LRWD1: variants seen among roughly 807,000 people sequenced by gnomAD.
The protein encoded by LRWD1 is leucine rich repeats and WD repeat domain containing 1, also known as leucine-rich repeat and WD repeat-containing protein 1.
Under a neutral mutation model 75.6 loss-of-function variants are expected in LRWD1, and 76 were observed. That is an observed-to-expected ratio of 1.01 (90% CI 0.84 to 1.22). LRWD1 has a LOEUF of 1.22. Among genes scored for constraint, LRWD1 ranks in the 50% most tolerant of loss-of-function variants. The pLI is 0.00. For synonymous variants in LRWD1, 487 were observed against 377.0 expected (o/e 1.29, Z -3.38); for missense variants, 917 against 862.0 (o/e 1.06, Z -0.80).
intron 3 of LRWD1, 123 bp from the exon 4 acceptor site, chr7:102,467,214 GTT>G (rs1554579616): frequency 2.5e-6 from 2 of 815,738 alleles, no homozygotes; most frequent in East Asian, 3.0e-5. Context: ...GTGTGTGTGT[GTT>G]TTATGAGGCT....
Position 102,469,408 on chromosome 7 carries a change from AAC to A in LRWD1, c.1229-164_1229-163del, listed in dbSNP as rs1798118357. ...CCACCGCATCAGGTTAGATGGAGGA[AAC>A]AGGGATTGGGGGCCCAGGAGTGTTC... On this transcript the variant is annotated intron_variant, in intron 9 of 14. Transcript: ENST00000292616. Among the ~76,000 whole-genome samples the A allele has an allele frequency of 2.7e-5, 4 of 148,578 alleles. 1 individual carries two copies. Among genetic ancestry groups the A allele is most frequent in the Admixed American group, 2.1e-4 (3 of 14,432 alleles).
chr7:102,469,677 C>A, intron 10 of LRWD1, 31 bp downstream of exon 10: 2 of 1,614,026 alleles, frequency 1.2e-6, no homozygotes, highest in Non-Finnish European at 1.7e-6. Flanking sequence ...GGGGAGTGGC[C>A]AGCTGCTGGG....
At chr7:102,471,847 C>T (rs1378671661) in intron 11 of LRWD1, 1 of 239,636 alleles carries the variant, frequency 4.2e-6, no homozygotes, top group Non-Finnish European at 8.3e-6. Flanking sequence ...CCCCCAACAG[C>T]CCCCTGGGCC....
intron 9 of LRWD1, among the ~76,000 whole-genome samples, 162 bp from the exon 10 acceptor site, chr7:102,469,410 CAG>C (rs80231128): frequency 0.1 from 15,448 of 152,206 alleles, 1,348 homozygotes; most frequent in East Asian, 0.45. Context: ...ATGGAGGAAA[CAG>C]GGATTGGGGG....
chr7:102,472,793 GCCCCCACACAGGTACTGC>G lies in LRWD1; in HGVS notation c.1795_1803+9del. On this transcript the variant is annotated splice_donor_variant and splice_donor_5th_base_variant and coding_sequence_variant and intron_variant, in exon 14 of 15. Coordinates refer to ENST00000292616, the MANE Select transcript of LRWD1 (RefSeq NM_152892.3). LOFTEE classifies it high-confidence loss of function. ...ACCCCTGCTGCCGGCAGCCCTGCAG[GCCCCCACACAGGTACTGC>G]CCGGCTCACCCTGCCCAGGCTTGGG... 6.2e-7 allele frequency: 1 copy of G among 1,613,352 alleles called. No homozygotes were observed. Among genetic ancestry groups the G allele is most frequent in the Non-Finnish European group, 8.5e-7 (1 of 1,179,892 alleles).
chr7:102,472,058 T>C (rs1798208561), intron 11 of LRWD1, 160 bp from the exon 12 acceptor site: 1 of 690,558 alleles, frequency 1.4e-6, no homozygotes, highest in Non-Finnish European at 2.5e-6. Context: ...CAGGGCAAAC[T>C]GAACCTTCCT....
chr7:102,467,548 C>A, intron 4 of LRWD1, 69 bp downstream of exon 4: 1 of 1,589,194 alleles, frequency 6.3e-7, no homozygotes, highest in African/African-American at 1.3e-5. Flanking sequence ...AGGTCCCTGG[C>A]CATGAAGGGC....
intron 3 of LRWD1, 123 bp from the exon 4 acceptor site, chr7:102,467,212 GTGTT>G (rs1798034265): frequency 2.6e-6 from 2 of 763,878 alleles, no homozygotes; most frequent in Admixed American, 4.5e-5. Flanking sequence ...GTGTGTGTGT[GTGTT>G]TTATGAGGCT....
In LRWD1 at chr7:102,468,649, G is replaced by A. The variant is rs573274500; in HGVS notation, c.1015G>A (p.Gly339Ser). The A allele has an allele frequency of 6.1e-5, 95 of 1,563,672 alleles. No individual in the cohort carries two copies. The South Asian group carries it at 8.0e-4, about 13-fold the overall frequency. Residue 339 changes from glycine (G) to serine (S), a missense_variant, in exon 8 of 15, where the codon GGC becomes AGC. Physicochemically the swap from Gly to Ser is moderately conservative, Grantham distance 56 (BLOSUM62 0). Transcript: ENST00000292616. ...CGTGCTCCACAAGTACAAGGCACCC[G>A]GCGAGGTGAGTGCAAGGCCCTGTCC... ...GIVLHKYKAP[G>S]EEFFSVAWTA...
chr7:102,466,127 C>T, intron 2 of LRWD1, 27 bp from the exon 3 acceptor site: 1 of 1,612,396 alleles, frequency 6.2e-7, no homozygotes. Context: ...TCTCCTGAGC[C>T]ACTGCTCTTC....
intron 11 of LRWD1, chr7:102,470,086 G>C (rs1778892475): frequency 1.6e-6 from 1 of 642,954 alleles, no homozygotes; most frequent in Non-Finnish European, 2.5e-6. Context: ...GGGTTCAGCT[G>C]TGGGACTGGG....
intron 14 of LRWD1, 44 bp from the exon 15 acceptor site, chr7:102,472,865 G>C (rs765911415): frequency 1.2e-5 from 20 of 1,611,496 alleles, no homozygotes; most frequent in Non-Finnish European, 1.4e-5. Flanking sequence ...CCCTGCCTTT[G>C]GTCAGCAGGA....
chr7:102,473,090 C>A lies in LRWD1; in HGVS notation c.*41C>A. On this transcript the variant is annotated 3_prime_UTR_variant, in exon 15 of 15. Transcript: ENST00000292616. ...AAGGACCAGGGACACAGCTAACTAA[C>A]TTATTCAGCTTTGGGCCGATGGGGG... 1.3e-6 allele frequency: 2 copies of A among 1,568,590 alleles called. No homozygotes were observed. The highest frequency in any genetic ancestry group is 1.1e-5 in the South Asian group (1 of 87,000).
intron 3 of LRWD1, among the ~76,000 whole-genome samples, chr7:102,466,964 A>G (rs892913225): frequency 2.7e-5 from 4 of 150,924 alleles, no homozygotes; most frequent in South Asian, 2.1e-4. Context: ...AATTTTTTGT[A>G]GAGATGGGAT....
intron 2 of LRWD1, 39 bp from the exon 3 acceptor site, chr7:102,466,115 C>T (rs1224205666): frequency 6.2e-7 from 1 of 1,609,510 alleles, no homozygotes; most frequent in Admixed American, 1.7e-5. Context: ...TCAGGCTCAG[C>T]ATCTCCTGAG....
intron 3 of LRWD1, 96 bp from the exon 4 acceptor site, chr7:102,467,243 T>C: frequency 1.5e-6 from 2 of 1,316,542 alleles, no homozygotes. Flanking sequence ...CCAGGAGGCT[T>C]CCAGCAGGTG....
At position 102,468,607 on chromosome 7, in the gene LRWD1, G is replaced by A; in HGVS notation, c.973G>A (p.Asp325Asn). ...TCGGEAVCVI[D>N]CQTGIVLHKY... is the part of the protein sequence containing the mutation. ...CGGCGGGGAGGCTGTGTGCGTAATT[G>A]ATTGCCAGACGGGCATCGTGCTCCA... The change falls in exon 8 of 15, where the codon GAT becomes AAT. Residue 325 changes from aspartate (D) to asparagine (N), a missense_variant. Physicochemically the swap from Asp to Asn is conservative, Grantham distance 23 (BLOSUM62 1). Coordinates refer to ENST00000292616, the MANE Select transcript of LRWD1 (RefSeq NM_152892.3). 1 of 1,578,602 alleles carries A rather than the reference G, an allele frequency of 6.3e-7. No individual in the cohort carries two copies. Among genetic ancestry groups the A allele is most frequent in the South Asian group, 1.2e-5 (1 of 86,222 alleles).
intron 2 of LRWD1, 21 bp from the exon 3 acceptor site, chr7:102,466,133 T>A: frequency 6.2e-7 from 1 of 1,613,110 alleles, no homozygotes; most frequent in Admixed American, 1.7e-5. Flanking sequence ...GAGCCACTGC[T>A]CTTCACCCTC....
Position 102,473,112 on chromosome 7 carries a change from G to C in LRWD1, c.*63G>C, listed in dbSNP as rs113355882. The C allele has an allele frequency of 2.8e-3, 3,872 of 1,407,538 alleles. 94 individuals are homozygous for C. The African/African-American group carries it at 0.055, about 20-fold the overall frequency. The allele number at this position is 1,407,538 out of a possible 1,614,324, so 87.2% of individuals were successfully genotyped here. A position where few individuals can be genotyped will look rare whatever the true frequency, so the allele number is the denominator to read the frequency against. On this transcript the variant is annotated 3_prime_UTR_variant, in exon 15 of 15. Transcript: ENST00000292616. ...TAACTTATTCAGCTTTGGGCCGATG[G>C]GGGTGGGGGGGGGTCTTTCAGTGAA...
Sources: allele counts gnomAD v4.1 joint callset (sites outside exome capture counted in the v4.1 genomes callset), GRCh38; gene constraint gnomAD v4.1.1; transcripts MANE v1.5; gene names NCBI Gene and HGNC (gene_info 2026-07-23, HGNC 2026-07-21).